The following MAST2 variants were observed in gnomAD, a reference collection of about 807,000 sequenced individuals.
The protein encoded by MAST2 is microtubule-associated serine/threonine-protein kinase 2.
A neutral mutation model predicts 147.4 loss-of-function variants in MAST2; 70 were observed. The observed-to-expected ratio is 0.47, with a 90% confidence interval of 0.39 to 0.58. The LOEUF is 0.58. Among genes scored for constraint, MAST2 ranks in the 20% least tolerant of loss-of-function variants. The probability of loss-of-function intolerance (pLI) is 0.00; values close to 1 mark genes in which losing one functional copy is unlikely to be tolerated. For missense variants in MAST2, 2,080 were observed against 2,302.3 expected (o/e 0.90, Z 1.98); for synonymous variants, 869 against 896.8 (o/e 0.97, Z 0.55).
At chr1:45,849,882 T>C (rs929057080) in intron 3 of MAST2, among the ~76,000 whole-genome samples, 1 of 152,236 alleles carries the variant, frequency 6.6e-6, no homozygotes, top group Non-Finnish European at 1.5e-5. Context: ...CCCATGTCTT[T>C]ACTATTGTGA....
intron 19 of MAST2, 85 bp from the exon 20 acceptor site, chr1:46,029,746 G>A: frequency 6.5e-7 from 1 of 1,531,532 alleles, no homozygotes. Context: ...TATAGCTTCT[G>A]AAGGTCTGGC....
intron 1 of MAST2, among the ~76,000 whole-genome samples, chr1:45,822,481 G>A (rs1644668394): frequency 6.6e-6 from 1 of 152,064 alleles, no homozygotes; most frequent in South Asian, 2.1e-4. Context: ...AAGGAATAGG[G>A]AAATTGAAAA....
chr1:46,006,831 C>T (rs1046901420), intron 8 of MAST2, among the ~76,000 whole-genome samples: 2 of 152,156 alleles, frequency 1.3e-5, no homozygotes, highest in Admixed American at 1.3e-4. Context: ...TAGATTACAT[C>T]TGGTAAAAGG....
At chr1:46,015,057 A>G (rs879306064) in intron 10 of MAST2, among the ~76,000 whole-genome samples, 10 of 151,568 alleles carry the variant, frequency 6.6e-5, no homozygotes, top group Non-Finnish European at 1.3e-4. Context: ...AAACTGAACA[A>G]CCTGCTCCTG....
chr1:45,847,687 C>T, intron 3 of MAST2: 1 of 323,906 alleles, frequency 3.1e-6, no homozygotes, highest in Non-Finnish European at 6.0e-6. Flanking sequence ...CAGCAGCTCA[C>T]AGGAGTACCC....
At chr1:45,919,636 GC>G (rs1203438566) in intron 4 of MAST2, among the ~76,000 whole-genome samples, 8 of 152,148 alleles carry the variant, frequency 5.3e-5, no homozygotes, top group Admixed American at 2.0e-4. Flanking sequence ...ACGTACTAGC[GC>G]TTGGCGTATG....
intron 4 of MAST2, among the ~76,000 whole-genome samples, chr1:45,943,571 G>A (rs1355345729): frequency 6.6e-6 from 1 of 152,126 alleles, no homozygotes; most frequent in Admixed American, 6.5e-5. Flanking sequence ...CTTAGTTTAA[G>A]AATAGGTTTT....
chr1:45,999,172 A>G (rs1243201598), intron 6 of MAST2, among the ~76,000 whole-genome samples: 1 of 152,260 alleles, frequency 6.6e-6, no homozygotes, highest in East Asian at 1.9e-4. Context: ...GAACATGAAC[A>G]GGTTGGGATA....
At position 46,034,321 on chromosome 1, in the gene MAST2, T is replaced by C. The variant is rs1156602496; in HGVS notation, c.3868+55T>C. 5.2e-6 allele frequency: 8 copies of C among 1,538,608 alleles called. No individual in the cohort carries two copies. The Admixed American group carries it at 1.4e-4, about 27-fold the overall frequency. On this transcript the variant is annotated intron_variant, in intron 28 of 28. Coordinates refer to ENST00000361297, the MANE Select transcript of MAST2 (RefSeq NM_015112.3). ...AACCCCTGGGAAATAGGAAAGTTCC[T>C]AGGCCCTGTGTGCTTCTGACAGATC...
At chr1:45,844,175 C>T (rs1268890732) in intron 3 of MAST2, among the ~76,000 whole-genome samples, 3 of 152,058 alleles carry the variant, frequency 2.0e-5, no homozygotes, top group Admixed American at 6.5e-5. Context: ...CCTTGGCTCA[C>T]CGCAGTGTCA....
intron 1 of MAST2, among the ~76,000 whole-genome samples, chr1:45,816,221 A>AAGAG (rs144287036): frequency 6.3e-4 from 85 of 134,828 alleles, no homozygotes; most frequent in East Asian, 2.8e-3. Flanking sequence ...GAGAGAGAGA[A>AAGAG]AGAGAGAGAG....
At chr1:45,995,773 A>G (rs1645031865) in intron 5 of MAST2, among the ~76,000 whole-genome samples, 1 of 152,146 alleles carries the variant, frequency 6.6e-6, no homozygotes, top group African/African-American at 2.4e-5. Context: ...TGTTTGAACA[A>G]TGATACTGTT....
intron 5 of MAST2, among the ~76,000 whole-genome samples, chr1:45,962,015 T>G (rs1388602675): frequency 6.6e-6 from 1 of 151,456 alleles, no homozygotes; most frequent in East Asian, 1.9e-4. Flanking sequence ...GTGAGAACAT[T>G]CGGTGTTTGG....
intron 4 of MAST2, among the ~76,000 whole-genome samples, chr1:45,953,001 A>G (rs939432497): frequency 6.6e-6 from 1 of 152,152 alleles, no homozygotes; most frequent in Non-Finnish European, 1.5e-5. Context: ...AGTAAGATAG[A>G]CCTGAAATAA....
intron 4 of MAST2, among the ~76,000 whole-genome samples, chr1:45,958,228 C>G (rs1343298653): frequency 6.6e-6 from 1 of 152,076 alleles, no homozygotes; most frequent in Non-Finnish European, 1.5e-5. Flanking sequence ...TTCCTTCCAT[C>G]AGCCCTACAG....
chr1:45,993,538 G>T (rs1207721742), intron 5 of MAST2, among the ~76,000 whole-genome samples: 3 of 151,986 alleles, frequency 2.0e-5, no homozygotes, highest in Non-Finnish European at 4.4e-5. Flanking sequence ...AGAAAAATTA[G>T]CCAGGCATGG....
At chr1:46,000,169 C>T (rs993787681) in intron 6 of MAST2, among the ~76,000 whole-genome samples, 2 of 152,106 alleles carry the variant, frequency 1.3e-5, no homozygotes, top group African/African-American at 4.8e-5. Context: ...CAAAAATTAG[C>T]CGGGCATGGT....
intron 19 of MAST2, 64 bp downstream of exon 19, chr1:46,029,631 T>C: frequency 1.3e-6 from 2 of 1,506,056 alleles, no homozygotes; most frequent in Non-Finnish European, 1.8e-6. Flanking sequence ...CTGAGTCATG[T>C]ACCCTGGAGG....
At chr1:45,932,867 C>T (rs187650401) in intron 4 of MAST2, among the ~76,000 whole-genome samples, 33 of 152,014 alleles carry the variant, frequency 2.2e-4, no homozygotes, top group African/African-American at 7.5e-4. Context: ...ACTTTCTGCC[C>T]TGAGAAGATA....
Sources: allele counts gnomAD v4.1 joint callset (sites outside exome capture counted in the v4.1 genomes callset), GRCh38; gene constraint gnomAD v4.1.1; transcripts MANE v1.5; gene names NCBI Gene and HGNC (gene_info 2026-07-23, HGNC 2026-07-21).